GCC2: variants seen among roughly 807,000 people sequenced by gnomAD.
The protein encoded by GCC2 is GRIP and coiled-coil domain containing 2, also known as GRIP and coiled-coil domain-containing protein 2.
A neutral mutation model predicts 210.6 loss-of-function variants in GCC2; 120 were observed. The ratio of observed to expected loss-of-function variants is 0.57; its 90% CI spans 0.49 to 0.66. The LOEUF is 0.66. Ranked by LOEUF, GCC2 falls within the 30% of genes least tolerant of loss-of-function variation. The pLI is 0.00. For missense variants in GCC2, 1,868 were observed against 1,871.9 expected (o/e 1.00, Z 0.04); for synonymous variants, 703 against 652.7 (o/e 1.08, Z -1.17).
chr2:108,452,533 A>G lies in GCC2; in HGVS notation c.216+67A>G, dbSNP rs1410929472. ...TCCCTGAGGATTGTCAGTCTGCTAG[A>G]GGCTATCTGGCTTTCTGTTTCTGTT... On this transcript the variant is annotated intron_variant, in intron 4 of 22. Transcript: ENST00000309863. The G allele has an allele frequency of 3.2e-6, 3 of 929,764 alleles. No individual in the cohort carries two copies. In the East Asian group the frequency reaches 7.2e-5, roughly 22 times the overall value. 57.6% of individuals were successfully genotyped at this position (929,764 alleles called of 1,614,324 possible).
At chr2:108,500,794 G>A (rs530011718) in intron 22 of GCC2, among the ~76,000 whole-genome samples, 9 of 152,250 alleles carry the variant, frequency 5.9e-5, no homozygotes, top group Admixed American at 2.0e-4. Context: ...ATCTTTTGGC[G>A]TAAATAGGGG....
rs1369225049 is a variant in GCC2 at position 108,492,579 on chromosome 2, T to C, written c.4236T>C (p.Cys1412=). Residue 1412 remains cysteine (C), a synonymous_variant, in exon 19 of 23, where the codon TGT becomes TGC. Transcript: ENST00000309863. ...SKEAELREKL[C]SIQSENMMMK... ...TAAGTTTCTCATCTTTCAGATTGTG[T>C]TCAATACAGTCAGAGAACATGATGA... The C allele has an allele frequency of 1.2e-6, 2 of 1,603,158 alleles. No individual in the cohort carries two copies. Among genetic ancestry groups the C allele is most frequent in the East Asian group, 4.5e-5 (2 of 44,838 alleles).
chr2:108,454,572 G>A (rs1169880370), intron 4 of GCC2, among the ~76,000 whole-genome samples: 1 of 152,198 alleles, frequency 6.6e-6, no homozygotes, highest in East Asian at 1.9e-4. Context: ...GATAGCCACA[G>A]TACAACTATA....
intron 18 of GCC2, among the ~76,000 whole-genome samples, chr2:108,492,273 T>C (rs571264558): frequency 5.3e-5 from 8 of 152,240 alleles, no homozygotes; most frequent in African/African-American, 1.7e-4. Context: ...GCTTTAAATA[T>C]AATCCTATTT....
At chr2:108,483,010 A>G (rs1375552439) in intron 11 of GCC2, 52 bp from the exon 12 acceptor site, 1 of 946,672 alleles carries the variant, frequency 1.1e-6, no homozygotes, top group Non-Finnish European at 1.7e-6. Context: ...CCTTAAAAAT[A>G]CCTTTTTAAT....
At position 108,470,027 on chromosome 2, in the gene GCC2, A is replaced by G; in HGVS notation, c.698A>G (p.Asn233Ser). 3 of 1,612,964 alleles carry G rather than the reference A, an allele frequency of 1.9e-6. No homozygotes were observed. The highest frequency in any genetic ancestry group is 2.5e-6 in the Non-Finnish European group (3 of 1,179,586). ...GCTAATTCTCAGCATTACCAAAAAA[A>G]TATTAATAGTTTGCAGGAAGAGCTT... ...IEANSQHYQK[N>S]INSLQEELLQ... Residue 233 changes from asparagine (N) to serine (S), a missense_variant, in exon 6 of 23, where the codon AAT becomes AGT. Physicochemically the swap from Asn to Ser is conservative, Grantham distance 46. Around this residue, in one of 3 missense-constraint regions of GCC2, gnomAD observed 1,847 missense variants for 1,765.2 expected, o/e 1.05. Transcript: ENST00000309863.
chr2:108,492,366 C>T (rs1558756567), intron 18 of GCC2, among the ~76,000 whole-genome samples: 1 of 152,168 alleles, frequency 6.6e-6, no homozygotes, highest in East Asian at 1.9e-4. Flanking sequence ...AAATGTGTAA[C>T]ACAGATTATT....
chr2:108,456,033 G>A lies in GCC2; in HGVS notation c.216+3567G>A, dbSNP rs1425357113. Among the ~76,000 whole-genome samples the A allele has an allele frequency of 6.6e-5, 10 of 152,006 alleles. No homozygotes were observed. In the East Asian group the frequency reaches 1.2e-3, roughly 18 times the overall value. On this transcript the variant is annotated intron_variant, in intron 4 of 22. Coordinates refer to ENST00000309863, the MANE Select transcript of GCC2 (RefSeq NM_181453.4). ...GGAGTCTTGCTCTGTCGCCCAGGCT[G>A]TAGTGCAGTGGCATGATCTTGGCTC...
intron 16 of GCC2, among the ~76,000 whole-genome samples, chr2:108,487,354 C>A (rs185835766): frequency 6.6e-6 from 1 of 152,006 alleles, no homozygotes; most frequent in Non-Finnish European, 1.5e-5. Context: ...TATTGAGAGG[C>A]CTTTAAAAAG....
chr2:108,452,539 T>A (rs1679999710), intron 4 of GCC2, 73 bp downstream of exon 4: 3 of 878,076 alleles, frequency 3.4e-6, no homozygotes, highest in Admixed American at 3.9e-5. Context: ...CTAGAGGCTA[T>A]CTGGCTTTCT....
chr2:108,497,934 C>T (rs1488745892), intron 21 of GCC2, among the ~76,000 whole-genome samples: 1 of 152,136 alleles, frequency 6.6e-6, no homozygotes, highest in Non-Finnish European at 1.5e-5. Context: ...TGCTTTTCCC[C>T]TGTACTTTGC....
At position 108,500,528 on chromosome 2, in the gene GCC2, C is replaced by CA. The variant is rs201982767; in HGVS notation, c.4984+783dup. On this transcript the variant is annotated intron_variant, in intron 22 of 22. Transcript: ENST00000309863. ...CATCTCAAACAAAAAACATCAACAA[C>CA]AAAAAAAAACTATGATGTAGTTAGA... Among the ~76,000 whole-genome samples, 940 of 151,326 alleles carry CA rather than the reference C, an allele frequency of 6.2e-3. 7 individuals carry two copies. Among genetic ancestry groups the CA allele is most frequent in the Middle Eastern group, 0.024 (7 of 294 alleles).
chr2:108,477,082 T>C (rs1157972825), intron 9 of GCC2, among the ~76,000 whole-genome samples: 1 of 152,146 alleles, frequency 6.6e-6, no homozygotes, highest in African/African-American at 2.4e-5. Flanking sequence ...TCATTGAAAA[T>C]TGTAGATTTT....
intron 4 of GCC2, among the ~76,000 whole-genome samples, chr2:108,467,770 T>C (rs1045791173): frequency 5.9e-5 from 9 of 152,242 alleles, no homozygotes; most frequent in African/African-American, 1.9e-4. Flanking sequence ...TTTAAAGTTA[T>C]GCTGATTTTA....
Position 108,475,594 on chromosome 2 carries a change from G to T in GCC2, c.2920G>T (p.Ala974Ser). 1 of 1,541,378 alleles carries T rather than the reference G, an allele frequency of 6.5e-7. No individual in the cohort carries two copies. Among genetic ancestry groups the T allele is most frequent in the South Asian group, 1.3e-5 (1 of 79,922 alleles). Reference sequence around the variant, plus strand: ...GAAAATAAATAAGATAAAATTAGTTGCCGTAAAGGCAAAGAAAGAACTAGA... The same window carrying T: ...GAAAATAAATAAGATAAAATTAGTTTCCGTAAAGGCAAAGAAAGAACTAGA... ...EEKINKIKLV[A>S]VKAKKELDSS... Residue 974 changes from alanine to serine, a missense_variant, in exon 8 of 23, where the codon GCC (alanine) becomes TCC (serine). Coordinates refer to ENST00000309863, the MANE Select transcript of GCC2 (RefSeq NM_181453.4).
At chr2:108,473,484 C>T (rs970381373) in intron 7 of GCC2, among the ~76,000 whole-genome samples, 1 of 152,168 alleles carries the variant, frequency 6.6e-6, no homozygotes, top group Admixed American at 6.5e-5. Context: ...AGGTAGGAGC[C>T]TGATCATAAA....
chr2:108,488,349 G>A (rs986666152), intron 17 of GCC2, among the ~76,000 whole-genome samples: 4 of 152,182 alleles, frequency 2.6e-5, no homozygotes, highest in African/African-American at 9.7e-5. Flanking sequence ...AAAATTAGAT[G>A]TTAAAGTGCA....
chr2:108,467,343 A>T (rs1680955703), intron 4 of GCC2, among the ~76,000 whole-genome samples: 1 of 152,184 alleles, frequency 6.6e-6, no homozygotes, highest in South Asian at 2.1e-4. Flanking sequence ...AATGGAACTG[A>T]CTTTGTATAT....
chr2:108,506,580 ATAAG>A (rs1410007506), intron 22 of GCC2, among the ~76,000 whole-genome samples: 1 of 152,206 alleles, frequency 6.6e-6, no homozygotes, highest in Admixed American at 6.5e-5. Flanking sequence ...AGGTTTTACT[ATAAG>A]TAAGTTGTAC....
Sources: gnomAD v4.1 joint callset for allele counts (sites outside exome capture counted in the v4.1 genomes callset) on GRCh38, gnomAD v4.1.1 for gene constraint, gnomAD v4.1.1 regional missense constraint, MANE v1.5 for transcripts, NCBI Gene and HGNC (gene_info 2026-07-23, HGNC 2026-07-21) for gene names.